PIWIL1: variants seen among roughly 807,000 people sequenced by gnomAD.
PIWIL1 encodes piwi like RNA-mediated gene silencing 1, also known as piwi-like protein 1.
A neutral mutation model predicts 114.4 loss-of-function variants in PIWIL1; 73 were observed. That is an observed-to-expected ratio of 0.64 (90% CI 0.53 to 0.78). The LOEUF is 0.78. Among genes scored for constraint, PIWIL1 ranks in the 30% least tolerant of loss-of-function variants. PIWIL1 has a pLI of 0.00. For missense variants in PIWIL1, 723 were observed against 1,063.1 expected, an observed-to-expected ratio of 0.68 and a Z score of 4.45; for synonymous variants, 375 against 369.0, an observed-to-expected ratio of 1.02 and a Z score of -0.19.
chr12:130,424,086 G>A, the PIWIL1 span: 1 of 946,412 alleles, frequency 1.1e-6, no homozygotes. This position sits in a 1 kb window ranked among gnomAD's most constrained non-coding sequence, Gnocchi z 9.8. Flanking sequence ...ACCAGTGAAA[G>A]GATGGGACAG....
At chr12:130,393,906 G>C in the PIWIL1 span, among the ~76,000 whole-genome samples, 2 of 152,140 alleles carry the variant, frequency 1.3e-5, no homozygotes, top group East Asian at 3.9e-4. Flanking sequence ...TTTGGCTTTT[G>C]GGTAACTTTG....
At chr12:130,340,647 G>GGGGGGGAGGGGGGTTGGTGGTGGTGGTT (rs2072891071) in intron 1 of PIWIL1, among the ~76,000 whole-genome samples, 2 of 4,086 alleles carry the variant, frequency 4.9e-4, no homozygotes, top group East Asian at 0.024. Flanking sequence ...GAGGGGGGGT[G>GGGGGGGAGGGGGGTTGGTGGTGGTGGTT]GGGGGAGGGG....
chr12:130,349,760 T>G, intron 8 of PIWIL1, 96 bp from the exon 9 acceptor site: 1 of 734,480 alleles, frequency 1.4e-6, no homozygotes, highest in African/African-American at 1.8e-5. Context: ...ACCAGGTGAT[T>G]TGAAATTTTA....
At chr12:130,362,946 T>TTCTTCCCAA in intron 17 of PIWIL1, 45 bp from the exon 18 acceptor site, 1 of 1,612,136 alleles carries the variant, frequency 6.2e-7, no homozygotes, top group Non-Finnish European at 8.5e-7. Context: ...AGACGAGTTG[T>TTCTTCCCAA]GTCGTAGGCA....
chr12:130,421,723 G>C, the PIWIL1 span, among the ~76,000 whole-genome samples: 2 of 148,070 alleles, frequency 1.4e-5, no homozygotes, highest in Admixed American at 6.8e-5. Context: ...GTGTGTGTGT[G>C]TTTTCATAGA....
downstream of PIWIL1, among the ~76,000 whole-genome samples, chr12:130,377,054 C>T (rs546416689): frequency 1.9e-4 from 29 of 152,286 alleles, no homozygotes; most frequent in African/African-American, 7.0e-4. Flanking sequence ...GAGCGTGCAG[C>T]CTAGACACCT....
At chr12:130,418,641 G>T in the PIWIL1 span, among the ~76,000 whole-genome samples, 4 of 152,208 alleles carry the variant, frequency 2.6e-5, no homozygotes, top group East Asian at 5.8e-4. Context: ...TATGTGGCAA[G>T]TTTGTGGCAT....
the PIWIL1 span, among the ~76,000 whole-genome samples, chr12:130,388,862 C>T: frequency 4.6e-5 from 7 of 152,044 alleles, no homozygotes; most frequent in Admixed American, 1.3e-4. Flanking sequence ...CAGTTGTATC[C>T]TCTGCAAACA....
chr12:130,394,092 G>A, the PIWIL1 span, among the ~76,000 whole-genome samples: 3 of 152,130 alleles, frequency 2.0e-5, no homozygotes, highest in Non-Finnish European at 4.4e-5. Context: ...GGGCCTTCTC[G>A]GCACTCTCTC....
In PIWIL1 at chr12:130,362,769, G is replaced by A. The variant is rs754538430; in HGVS notation, c.1974G>A (p.Trp658Ter). 1.9e-6 allele frequency: 3 copies of A among 1,613,932 alleles called. No homozygotes were observed. The highest frequency in any genetic ancestry group is 2.2e-5 in the East Asian group (1 of 44,892). Residue 658 changes from tryptophan (W) to a stop codon, truncating the protein, a stop_gained, in exon 17 of 21, where the codon TGG becomes TGA. Transcript: ENST00000245255. LOFTEE classifies it high-confidence loss of function. The part of the protein sequence containing the change: ...VASINEGMTR[W>*]FSRCIFQDRG... ...AGCTGTGTTTTTCTCTGAATAGCTG[G>A]TTCTCACGCTGCATATTTCAGGATA...
At chr12:130,392,125 T>C in the PIWIL1 span, among the ~76,000 whole-genome samples, 1 of 118,002 alleles carries the variant, frequency 8.5e-6, no homozygotes, top group African/African-American at 3.5e-5. Context: ...GATGACCCGG[T>C]CACCGTCATC....
At chr12:130,367,999 C>T (rs67383084) in intron 19 of PIWIL1, among the ~76,000 whole-genome samples, 7,761 of 152,232 alleles carry the variant, frequency 0.051, 320 homozygotes, top group African/African-American at 0.12. Context: ...GGTTTCACCA[C>T]GATGGCCAGG....
intron 9 of PIWIL1, 39 bp from the exon 10 acceptor site, chr12:130,354,497 GC>G (rs1366312309): frequency 6.2e-6 from 10 of 1,612,728 alleles, no homozygotes; most frequent in Non-Finnish European, 8.5e-6. Flanking sequence ...GCTACTCGAG[GC>G]ATTTGCCGTG....
At chr12:130,352,992 A>G (rs1350258213) in intron 9 of PIWIL1, among the ~76,000 whole-genome samples, 3 of 152,196 alleles carry the variant, frequency 2.0e-5, no homozygotes, top group Non-Finnish European at 2.9e-5. Flanking sequence ...CAAGTCAAGA[A>G]CGGGCTAGAA....
chr12:130,392,459 A>G, the PIWIL1 span, among the ~76,000 whole-genome samples: 55 of 125,398 alleles, frequency 4.4e-4, no homozygotes, highest in African/African-American at 1.6e-3. Context: ...TACCTGGTGA[A>G]TATTGAATGT....
At chr12:130,340,766 G>C (rs1174110924) in intron 1 of PIWIL1, among the ~76,000 whole-genome samples, 1 of 151,990 alleles carries the variant, frequency 6.6e-6, no homozygotes, top group Admixed American at 6.6e-5. Context: ...AGCCGAGCAT[G>C]CATACGTAAT....
At chr12:130,418,405 C>T in the PIWIL1 span, among the ~76,000 whole-genome samples, 6 of 152,204 alleles carry the variant, frequency 3.9e-5, no homozygotes, top group Non-Finnish European at 5.9e-5. Context: ...ACAACAGGCA[C>T]AGCTGTGCAG....
At chr12:130,410,684 T>A in the PIWIL1 span, among the ~76,000 whole-genome samples, 1 of 152,250 alleles carries the variant, frequency 6.6e-6, no homozygotes, top group Admixed American at 6.5e-5. Context: ...TGTTGGTCTG[T>A]TTCTGGACTT....
the PIWIL1 span, among the ~76,000 whole-genome samples, chr12:130,394,710 T>C: frequency 6.6e-6 from 1 of 151,466 alleles, no homozygotes; most frequent in African/African-American, 2.4e-5. Context: ...TTTTCAAGAA[T>C]AAGAAAATAC....
Sources: allele counts gnomAD v4.1 joint callset (sites outside exome capture counted in the v4.1 genomes callset), GRCh38; gene constraint gnomAD v4.1.1; non-coding constraint Gnocchi (gnomAD v3.1); transcripts MANE v1.5; gene names NCBI Gene and HGNC (gene_info 2026-07-23, HGNC 2026-07-21).